Variants in GMPR2 observed in about 807,000 individuals in gnomAD.
GMPR2 encodes the protein guanosine monophosphate reductase 2, also known as GMP reductase 2.
GMPR2 carries 32 observed loss-of-function variants against 38.5 expected under a neutral mutation model. That is an observed-to-expected ratio of 0.83 (90% confidence interval 0.63 to 1.12). GMPR2 has a LOEUF of 1.12. Ranked by LOEUF, GMPR2 falls within the 50% of genes most tolerant of loss-of-function variation. The pLI is 0.00. For missense variants in GMPR2, 396 were observed against 432.1 expected, an observed-to-expected ratio of 0.92 and a Z score of 0.74; for synonymous variants, 154 against 151.0, an observed-to-expected ratio of 1.02 and a Z score of -0.15.
Position 24,238,735 on chromosome 14 carries a change from G to A in GMPR2, c.1004G>A (p.Arg335Gln), listed in dbSNP as rs766825926. The change falls in exon 10 of 10, where the codon CGA (arginine) becomes CAA (glutamine). Residue 335 changes from arginine (R) to glutamine (Q), a missense_variant. Transcript: ENST00000399440. The part of the protein sequence containing the change: ...KELSRRTTFI[R>Q]VTQQVNPIFS... ...TTGAGCAGGAGAACTACCTTCATCC[G>A]AGTCACCCAGCAGGTGAATCCAATC... 14 of 1,613,748 alleles carry A rather than the reference G, an allele frequency of 8.7e-6. No individual in the cohort carries two copies. The East Asian group carries it at 1.1e-4, about 13-fold the overall frequency.
chr14:24,237,457 G>A (rs2040402473), intron 7 of GMPR2, 63 bp from the exon 8 acceptor site: 26 of 1,567,676 alleles, frequency 1.7e-5, no homozygotes, highest in Non-Finnish European at 2.3e-5. Flanking sequence ...GAGTTGGGCT[G>A]TTGGGACATC....
intron 5 of GMPR2, 124 bp from the exon 6 acceptor site, chr14:24,236,947 G>A (rs2040372738): frequency 1.3e-6 from 1 of 768,638 alleles, no homozygotes; most frequent in Non-Finnish European, 2.2e-6. Context: ...GGGCCCAGTA[G>A]AGGGGACCTA....
intron 9 of GMPR2, 75 bp from the exon 10 acceptor site, chr14:24,238,514 G>A (rs2040458907): frequency 6.2e-7 from 1 of 1,613,924 alleles, no homozygotes; most frequent in African/African-American, 1.3e-5. Flanking sequence ...GGGGCTCAAT[G>A]CTAGGGTCTG....
chr14:24,234,668 T>C (rs1240419476), intron 3 of GMPR2, among the ~76,000 whole-genome samples: 1 of 152,236 alleles, frequency 6.6e-6, no homozygotes, highest in Non-Finnish European at 1.5e-5. Context: ...AAGAGCCAAG[T>C]CTTACTGTAA....
intron 3 of GMPR2, among the ~76,000 whole-genome samples, chr14:24,235,039 T>C (rs1181688429): frequency 1.3e-5 from 2 of 152,250 alleles, no homozygotes; most frequent in Non-Finnish European, 2.9e-5. Flanking sequence ...ACAATGGCCT[T>C]TGAATGCCTT....
chr14:24,238,072 T>C (rs2040430510), intron 8 of GMPR2, 174 bp from the exon 9 acceptor site: 1 of 585,088 alleles, frequency 1.7e-6, no homozygotes, highest in South Asian at 2.4e-5. Flanking sequence ...CACTGAGGAA[T>C]AGAGGCCAGG....
rs2040147341 is a variant in GMPR2 at position 24,233,264 on chromosome 14, T to C, written c.11T>C (p.Ile4Thr). Reference sequence around the variant, plus strand: ...CCGAGGCTAAGCGCCATGCCTCATATTGACAACGATGTGAAACTGGACTTC... The same window carrying C: ...CCGAGGCTAAGCGCCATGCCTCATACTGACAACGATGTGAAACTGGACTTC... Reference protein sequence around the residue: MPHIDNDVKLDFKD... With the variant: MPHTDNDVKLDFKD... The change falls in exon 2 of 10, where the codon ATT (isoleucine) becomes ACT (threonine). Residue 4 changes from isoleucine (I) to threonine (T), a missense_variant. Coordinates refer to ENST00000399440, the MANE Select transcript of GMPR2 (RefSeq NM_001002002.3). 2 of 1,614,010 alleles carry C rather than the reference T, an allele frequency of 1.2e-6. No individual in the cohort carries two copies. Among genetic ancestry groups the C allele is most frequent in the African/African-American group, 1.3e-5 (1 of 74,916 alleles).
Position 24,238,827 on chromosome 14 carries a change from A to G in GMPR2, c.*49A>G. On this transcript the variant is annotated 3_prime_UTR_variant, in exon 10 of 10. Transcript: ENST00000399440. ...AGGCACCAGTACTCTACCATGGGGC[A>G]TCCCAAGTGGGGTCCTCACCCATCC... 2 of 1,523,642 alleles carry G rather than the reference A, an allele frequency of 1.3e-6. No individual in the cohort carries two copies. The highest frequency in any genetic ancestry group is 1.1e-5 in the South Asian group (1 of 88,726). The allele number at this position is 1,523,642 out of a possible 1,614,324, so 94.4% of individuals were successfully genotyped here.
intron 3 of GMPR2, chr14:24,234,333 TC>T: frequency 1.3e-6 from 1 of 753,942 alleles, no homozygotes; most frequent in South Asian, 1.7e-5. Flanking sequence ...TGTTTGTGGC[TC>T]CATTAGTCTT....
rs776866215 is a variant in GMPR2, at chr14:24,238,809, A to G, written c.*31A>G. 6.3e-7 allele frequency: 1 copy of G among 1,592,932 alleles called. No homozygotes were observed. Among genetic ancestry groups the G allele is most frequent in the Non-Finnish European group, 8.6e-7 (1 of 1,167,178 alleles). The stretch of plus-strand genomic sequence containing the variant: ...AGCAGTTCTACCCTCCCAAGGCACC[A>G]GTACTCTACCATGGGGCATCCCAAG... On this transcript the variant is annotated 3_prime_UTR_variant, in exon 10 of 10. Coordinates refer to ENST00000399440, the MANE Select transcript of GMPR2 (RefSeq NM_001002002.3).
chr14:24,235,561 CTAGTATT>C (rs772554201), intron 3 of GMPR2, 169 bp from the exon 4 acceptor site: 2 of 615,428 alleles, frequency 3.2e-6, no homozygotes, highest in Non-Finnish European at 5.8e-6. Context: ...AAAAGCCCTA[CTAGTATT>C]TGTAGAGAGA....
intron 8 of GMPR2, 184 bp downstream of exon 8, chr14:24,237,746 G>C: frequency 1.6e-6 from 1 of 628,696 alleles, no homozygotes. Context: ...GACTCCAAGT[G>C]TGGGCCAGGG....
chr14:24,233,185 G>T lies in GMPR2; in HGVS notation c.-35-34G>T, dbSNP rs2040141769. 7 of 1,612,334 alleles carry T rather than the reference G, an allele frequency of 4.3e-6. No homozygotes were observed. The African/African-American group carries it at 5.3e-5, about 12-fold the overall frequency. ...CCGTAACAGGGCGTTAAAGCCCAGGGGAAGATTGGTCCTTATGACTTCCTG... is the reference window on the plus strand; with the variant it reads ...CCGTAACAGGGCGTTAAAGCCCAGGTGAAGATTGGTCCTTATGACTTCCTG... On this transcript the variant is annotated intron_variant, in intron 1 of 9. Coordinates refer to ENST00000399440, the MANE Select transcript of GMPR2 (RefSeq NM_001002002.3).
At chr14:24,237,186 C>T (rs773794092) in intron 6 of GMPR2, 34 bp downstream of exon 6, 2 of 1,532,696 alleles carry the variant, frequency 1.3e-6, no homozygotes, top group East Asian at 2.2e-5. Context: ...TGGCTACCCC[C>T]CTTCAGTGGC....
Position 24,238,383 on chromosome 14 carries a change from G to T in GMPR2, c.835G>T (p.Ala279Ser). 1.2e-6 allele frequency: 2 copies of T among 1,614,130 alleles called. No individual in the cohort carries two copies. The highest frequency in any genetic ancestry group is 1.7e-6 in the Non-Finnish European group (2 of 1,180,034). ...TTCTGAAATGGCCATGAAGAAGTAT[G>T]CTGGGGGCGTGGCTGAGTACAGGTA... ...MSSEMAMKKY[A>S]GGVAEYRASE... Residue 279 changes from alanine to serine, a missense_variant, in exon 9 of 10, where the codon GCT becomes TCT. Physicochemically the swap from Ala to Ser is moderately conservative, Grantham distance 99. Coordinates refer to ENST00000399440, the MANE Select transcript of GMPR2 (RefSeq NM_001002002.3).
chr14:24,235,755 G>C lies in GMPR2; in HGVS notation c.226G>C (p.Val76Leu), dbSNP rs746203519. 5 of 1,612,862 alleles carry C rather than the reference G, an allele frequency of 3.1e-6. No homozygotes were observed. In the South Asian group the frequency reaches 5.5e-5, roughly 18 times the overall value. Reference sequence around the variant, plus strand: ...TCCCCAGTTCTCTCTCTTCACTGCTGTCCATAAGCACTATAGCCTCGTTCA... The same window carrying C: ...TCCCCAGTTCTCTCTCTTCACTGCTCTCCATAAGCACTATAGCCTCGTTCA... Reference protein sequence around the residue: ...VLCKFSLFTAVHKHYSLVQWQ... With the variant: ...VLCKFSLFTALHKHYSLVQWQ... The change falls in exon 4 of 10, where the codon GTC (valine) becomes CTC (leucine). Residue 76 changes from valine to leucine, a missense_variant. Val to Leu is a conservative substitution (Grantham distance 32, BLOSUM62 1). Transcript: ENST00000399440.
At chr14:24,233,166 CAG>C (rs761547230) in intron 1 of GMPR2, 51 bp from the exon 2 acceptor site, 5 of 1,610,718 alleles carry the variant, frequency 3.1e-6, no homozygotes, top group African/African-American at 1.3e-5. Context: ...CCAGCCGTAA[CAG>C]GGCGTTAAAG....
chr14:24,239,173 T>G lies in GMPR2; in HGVS notation c.*395T>G. The G allele has an allele frequency of 1.1e-5, 4 of 372,420 alleles. 1 individual carries two copies. The highest frequency in any genetic ancestry group is 8.3e-5 in the South Asian group (4 of 48,284). The allele number at this position is 372,420 out of a possible 1,614,324, so 23.1% of individuals were successfully genotyped here. ...CGCTTCACTAAATTGGACCTTCACA[T>G]ATCTAAAAAGCTCTGAAGTGTTTGT... On this transcript the variant is annotated 3_prime_UTR_variant, in exon 10 of 10. Transcript: ENST00000399440.
At chr14:24,238,155 G>A (rs1402716367) in intron 8 of GMPR2, 91 bp from the exon 9 acceptor site, 3 of 1,152,000 alleles carry the variant, frequency 2.6e-6, no homozygotes, top group Non-Finnish European at 3.8e-6. Flanking sequence ...TCATTGTCAG[G>A]ACTGAGAATA....
Sources: gnomAD v4.1 joint callset for allele counts (sites outside exome capture counted in the v4.1 genomes callset) on GRCh38, gnomAD v4.1.1 for gene constraint, MANE v1.5 for transcripts, NCBI Gene and HGNC (gene_info 2026-07-23, HGNC 2026-07-21) for gene names.